DGKA: variants seen among roughly 807,000 people sequenced by gnomAD.
The protein encoded by DGKA is 80 kDa diacylglycerol kinase.
A neutral mutation model predicts 105.0 loss-of-function variants in DGKA; 35 were observed. The observed-to-expected ratio is 0.33, with a 90% CI of 0.25 to 0.44. DGKA has a LOEUF of 0.44. Among genes scored for constraint, DGKA ranks in the 20% least tolerant of loss-of-function variants. DGKA has a pLI of 1.00. For missense variants in DGKA, 665 were observed against 915.0 expected, an observed-to-expected ratio of 0.73 and a Z score of 3.53; for synonymous variants, 296 against 332.0, an observed-to-expected ratio of 0.89 and a Z score of 1.18.
At chr12:55,937,955 C>T in intron 4 of DGKA, 23 bp from the exon 5 acceptor site, 1 of 1,612,078 alleles carries the variant, frequency 6.2e-7, no homozygotes, top group Admixed American at 1.7e-5. Context: ...GCCCTGACTT[C>T]TGATCTGCTT....
intron 4 of DGKA, 69 bp from the exon 5 acceptor site, chr12:55,937,909 C>T (rs1250878268): frequency 7.3e-7 from 1 of 1,378,458 alleles, no homozygotes; most frequent in Admixed American, 1.8e-5. Context: ...AGAGGTGGGA[C>T]AAACAAAGGA....
Position 55,940,571 on chromosome 12 carries a change from G to T in DGKA, c.919-53G>T. ...TCTTTCCAGCCCAGACTGCCAGGTT[G>T]AGAGGAGACAGGGTTACCTTCGTGA... is the stretch of plus-strand genomic sequence containing the variant. On this transcript the variant is annotated intron_variant, in intron 11 of 23. Coordinates refer to ENST00000331886, the MANE Select transcript of DGKA (RefSeq NM_001345.5). The surrounding 1 kb of genome is among the most constrained non-coding windows in gnomAD (Gnocchi z 4.3). The T allele has an allele frequency of 6.4e-7, 1 of 1,556,824 alleles. No homozygotes were observed. Among genetic ancestry groups the T allele is most frequent in the South Asian group, 1.2e-5 (1 of 81,290 alleles).
upstream of DGKA, among the ~76,000 whole-genome samples, chr12:55,929,007 A>G (rs1007355660): frequency 6.6e-6 from 1 of 151,732 alleles, no homozygotes; most frequent in Non-Finnish European, 1.5e-5. Flanking sequence ...AAATACAAAA[A>G]TTAGCCGGGT....
chr12:55,945,919 A>G (rs1443993051), intron 17 of DGKA, among the ~76,000 whole-genome samples: 2 of 151,574 alleles, frequency 1.3e-5, no homozygotes, highest in Admixed American at 1.3e-4. Context: ...CCTCCCAGGT[A>G]GCTGGGCTTA....
chr12:55,933,312 T>G lies in DGKA; in HGVS notation c.-82+1968T>G, dbSNP rs184829976. Among the ~76,000 whole-genome samples, 352 of 152,278 alleles carry G rather than the reference T, an allele frequency of 2.3e-3. 1 individual carries two copies. The highest frequency in any genetic ancestry group is 8.0e-3 in the African/African-American group (331 of 41,532). ...TAAGATTCTCTGCCTCCAAGTCAAC[T>G]TCTTCCTTTCTCGCCCCAATTGGGT... On this transcript the variant is annotated intron_variant, in intron 1 of 23. Transcript: ENST00000331886.
At chr12:55,951,168 A>G (rs1266662146) in intron 17 of DGKA, among the ~76,000 whole-genome samples, 1 of 152,096 alleles carries the variant, frequency 6.6e-6, no homozygotes, top group Non-Finnish European at 1.5e-5. Context: ...AAATTTCTAT[A>G]TATACTTGAG....
At chr12:55,938,885 T>TATC in intron 6 of DGKA, 30 bp from the exon 7 acceptor site, 1 of 1,613,502 alleles carries the variant, frequency 6.2e-7, no homozygotes, top group South Asian at 1.1e-5. Flanking sequence ...AAAGGGGATA[T>TATC]GGCTGTGGCT....
intron 13 of DGKA, 72 bp downstream of exon 13, chr12:55,941,052 A>T: frequency 6.6e-7 from 1 of 1,521,246 alleles, no homozygotes; most frequent in Non-Finnish European, 9.0e-7. Context: ...GGTGGGAATG[A>T]AGTGGGAGAG....
intron 1 of DGKA, chr12:55,936,192 A>G: frequency 1.8e-6 from 1 of 546,702 alleles, no homozygotes; most frequent in African/African-American, 1.9e-5. Context: ...GGATCCAGAA[A>G]TGGAGAGACA....
rs974968992 is a variant in DGKA at position 55,938,082 on chromosome 12, G to A, written c.349+30G>A. On this transcript the variant is annotated intron_variant, in intron 5 of 23. Coordinates refer to ENST00000331886, the MANE Select transcript of DGKA (RefSeq NM_001345.5). ...GTTGCCCTTCTGAAGTGAGGTGGCA[G>A]GGCAGTGAAGGGAGAGAGAGGTGTT... 4 of 1,579,588 alleles carry A rather than the reference G, an allele frequency of 2.5e-6. No individual in the cohort carries two copies. The African/African-American group carries it at 5.4e-5, about 21-fold the overall frequency.
intron 1 of DGKA, chr12:55,935,996 CCGAAGA>C (rs1884603684): frequency 1.0e-6 from 1 of 989,190 alleles, no homozygotes; most frequent in South Asian, 4.6e-5. Flanking sequence ...GCCGGAACTG[CCGAAGA>C]CCCGAGATGG....
At chr12:55,927,654 G>T, upstream of DGKA, 1 of 1,524,368 alleles carries the variant, frequency 6.6e-7, no homozygotes, top group South Asian at 1.2e-5. Context: ...GATTGCTGTC[G>T]GCCAACCCAC....
intron 5 of DGKA, 192 bp from the exon 6 acceptor site, chr12:55,938,319 C>A: frequency 1.3e-6 from 1 of 761,426 alleles, no homozygotes; most frequent in Non-Finnish European, 2.2e-6. Flanking sequence ...ATTGTCTCCC[C>A]TGACACATTC....
At chr12:55,945,593 A>G (rs1448135157) in intron 17 of DGKA, among the ~76,000 whole-genome samples, 2 of 152,062 alleles carry the variant, frequency 1.3e-5, no homozygotes, top group Non-Finnish European at 2.9e-5. Context: ...TGCTTTTTCT[A>G]GTTTCTACAG....
intron 1 of DGKA, chr12:55,935,991 A>C: frequency 2.0e-6 from 2 of 989,260 alleles, no homozygotes; most frequent in Non-Finnish European, 1.2e-6. Flanking sequence ...GAACTGCCGG[A>C]ACTGCCGAAG....
chr12:55,933,552 G>A (rs979899390), intron 1 of DGKA: 1 of 152,110 alleles, frequency 6.6e-6, no homozygotes, highest in African/African-American at 2.4e-5. Flanking sequence ...TCAGCTCCAG[G>A]GATAGCTAAA....
upstream of DGKA, chr12:55,927,767 A>G: frequency 6.5e-7 from 1 of 1,538,830 alleles, no homozygotes; most frequent in Non-Finnish European, 8.7e-7. Flanking sequence ...TCCATGGCCG[A>G]AGAGGCAGCG....
intron 17 of DGKA, among the ~76,000 whole-genome samples, chr12:55,949,118 A>G (rs545060328): frequency 6.6e-6 from 1 of 152,302 alleles, no homozygotes; most frequent in East Asian, 1.9e-4. Flanking sequence ...ACCTCCTCAG[A>G]GATAAACATT....
rs1312936610 is a variant in DGKA at position 55,952,427 on chromosome 12, T to C, written c.1739T>C (p.Val580Ala). The C allele has an allele frequency of 5.0e-6, 8 of 1,614,078 alleles. No individual in the cohort carries two copies. Among genetic ancestry groups the C allele is most frequent in the Non-Finnish European group, 2.5e-6 (3 of 1,179,936 alleles). Residue 580 changes from valine (V) to alanine (A), a missense_variant, in exon 20 of 24, where the codon GTT becomes GCT. Val to Ala is a moderately conservative substitution (Grantham distance 64). Around this residue, in one of 3 missense-constraint regions of DGKA, gnomAD observed 158 missense variants for 213.4 expected, o/e 0.74. Coordinates refer to ENST00000331886, the MANE Select transcript of DGKA (RefSeq NM_001345.5). The surrounding 1 kb of genome is among the most constrained non-coding windows in gnomAD (Gnocchi z 5.1). ...AAAAAGCTGGAGGAGTCTTTGACAG[T>C]TGAGGTGTGTGTAATAAGACTTAAC... is the stretch of plus-strand genomic sequence containing the variant. ...TCKKLEESLT[V>A]EICGKPLDLS... is the part of the protein sequence containing the mutation.
Sources: allele counts gnomAD v4.1 joint callset (sites outside exome capture counted in the v4.1 genomes callset), GRCh38; gene constraint gnomAD v4.1.1; regional missense constraint gnomAD v4.1.1; non-coding constraint Gnocchi (gnomAD v3.1); transcripts MANE v1.5; gene names NCBI Gene and HGNC (gene_info 2026-07-23, HGNC 2026-07-21).